MGAT4C: variants seen among roughly 807,000 people sequenced by gnomAD.
The protein encoded by MGAT4C is alpha-1,3-mannosyl-glycoprotein 4-beta-N-acetylglucosaminyltransferase C.
A neutral mutation model predicts 40.1 loss-of-function variants in MGAT4C; 19 were observed. The observed-to-expected ratio is 0.47, with a 90% confidence interval of 0.33 to 0.70. The LOEUF (loss-of-function observed/expected upper bound fraction) is 0.70. Among genes scored for constraint, MGAT4C ranks in the 30% least tolerant of loss-of-function variants. MGAT4C has a pLI of 0.02. For synonymous variants in MGAT4C, 181 were observed against 187.1 expected, an observed-to-expected ratio of 0.97 and a Z score of 0.27; for missense variants, 491 against 563.2, an observed-to-expected ratio of 0.87 and a Z score of 1.30.
intron 2 of MGAT4C, among the ~76,000 whole-genome samples, chr12:86,655,078 G>A (rs1963810132): frequency 6.6e-6 from 1 of 151,734 alleles, no homozygotes; most frequent in Non-Finnish European, 1.5e-5. Context: ...GGGTACATGT[G>A]CACAGCATGC....
At chr12:86,306,354 T>C (rs1199549595) in intron 4 of MGAT4C, among the ~76,000 whole-genome samples, 1 of 150,500 alleles carries the variant, frequency 6.6e-6, no homozygotes, top group Non-Finnish European at 1.5e-5. Context: ...AATAAAAAAC[T>C]GTTTAGCAAT....
At chr12:86,135,675 G>T (rs1406904552) in intron 1 of MGAT4C, among the ~76,000 whole-genome samples, 1 of 152,092 alleles carries the variant, frequency 6.6e-6, no homozygotes, top group Non-Finnish European at 1.5e-5. Flanking sequence ...TTTACATAGT[G>T]TCCTAAACTA....
At chr12:86,789,688 G>A (rs1257357984) in intron 1 of MGAT4C, among the ~76,000 whole-genome samples, 25 of 152,090 alleles carry the variant, frequency 1.6e-4, no homozygotes, top group Admixed American at 1.6e-3. Context: ...GATGACATGT[G>A]TTAAAGGATT....
chr12:86,145,945 A>C (rs193247589), intron 1 of MGAT4C, among the ~76,000 whole-genome samples: 13 of 152,290 alleles, frequency 8.5e-5, no homozygotes, highest in Admixed American at 3.9e-4. Flanking sequence ...AAAAGTATTT[A>C]TACAAAAAAA....
intron 2 of MGAT4C, among the ~76,000 whole-genome samples, chr12:86,494,175 A>G (rs1420179677): frequency 2.0e-5 from 3 of 151,990 alleles, no homozygotes; most frequent in Non-Finnish European, 2.9e-5. Context: ...ATTCTTTCAG[A>G]AAGCTTGCAA....
At position 85,963,367 on chromosome 12, in the gene MGAT4C, G is replaced by T. The variant is rs1425699499; in HGVS notation, c.*15922C>A. On this transcript the variant is annotated 3_prime_UTR_variant, in exon 5 of 5. Coordinates refer to ENST00000611864, the MANE Select transcript of MGAT4C (RefSeq NM_001351288.2). Reference sequence around the variant, plus strand: ...GTCAGTGTTTCTTAACCATTTTGGGGTCCTGAAACTTTTTGATAATGATGA... The same window carrying T: ...GTCAGTGTTTCTTAACCATTTTGGGTTCCTGAAACTTTTTGATAATGATGA... 6.6e-6 allele frequency: 1 copy of T among 151,730 alleles called. No individual in the cohort carries two copies. The highest frequency in any genetic ancestry group is 2.4e-5 in the African/African-American group (1 of 41,330). 9.4% of individuals were successfully genotyped at this position (151,730 alleles called of 1,614,324 possible). A position where few individuals can be genotyped will look rare whatever the true frequency, so the allele number is the denominator to read the frequency against.
chr12:86,136,642 A>T lies in MGAT4C; in HGVS notation c.-56-86919T>A, dbSNP rs143665585. On this transcript the variant is annotated intron_variant, in intron 1 of 4. Transcript: ENST00000611864. ...AGTTATTTCTTTTCCTACCCTGCAA[A>T]CATTTCCTACATTCTCTTATCCACT... Among the ~76,000 whole-genome samples the T allele has an allele frequency of 5.2e-3, 791 of 152,160 alleles. 4 individuals are homozygous for T. Among genetic ancestry groups the T allele is most frequent in the Middle Eastern group, 0.01 (3 of 294 alleles).
At chr12:86,430,859 T>C (rs913735807) in intron 3 of MGAT4C, among the ~76,000 whole-genome samples, 7 of 152,200 alleles carry the variant, frequency 4.6e-5, no homozygotes, top group African/African-American at 1.7e-4. Context: ...GGCTTATGTG[T>C]GGAGTGAAGA....
At chr12:86,826,635 A>G (rs1195288332) in intron 1 of MGAT4C, among the ~76,000 whole-genome samples, 1 of 151,392 alleles carries the variant, frequency 6.6e-6, no homozygotes. Flanking sequence ...TTATAATTTT[A>G]AAAATCCAAC....
At chr12:86,643,096 A>T (rs1350576795) in intron 2 of MGAT4C, among the ~76,000 whole-genome samples, 5 of 151,754 alleles carry the variant, frequency 3.3e-5, no homozygotes, top group Non-Finnish European at 4.4e-5. Flanking sequence ...AAATAAAATC[A>T]TCTCACGGTG....
chr12:86,771,684 ATATGTGTG>A lies in MGAT4C; in HGVS notation c.-261-44451_-261-44444del, dbSNP rs1333550192. 4.0e-3 allele frequency among the ~76,000 whole-genome samples: 521 copies of A among 131,226 alleles called. 1 individual carries two copies. Among genetic ancestry groups the A allele is most frequent in the African/African-American group, 0.016 (508 of 32,138 alleles). The allele number at this position is 131,226 out of a possible 152,430, so 86.1% of individuals were successfully genotyped here. On this transcript the variant is annotated intron_variant, in intron 1 of 7. Coordinates refer to the MGAT4C transcript ENST00000548651. Reference sequence around the variant, plus strand: ...TATGTAAAAAAAAGTACATAAATATATATGTGTGTGTGTGTGTGTGTGTGTGTGTGTGT... The same window carrying A: ...TATGTAAAAAAAAGTACATAAATATATGTGTGTGTGTGTGTGTGTGTGTGT...
chr12:86,020,098 C>T (rs560543615), intron 2 of MGAT4C, among the ~76,000 whole-genome samples: 16 of 152,186 alleles, frequency 1.1e-4, no homozygotes, highest in African/African-American at 3.1e-4. Context: ...TGGGCTGAGA[C>T]GATGGGGTTT....
intron 1 of MGAT4C, among the ~76,000 whole-genome samples, chr12:86,767,286 A>T (rs1951529614): frequency 1.3e-5 from 2 of 152,226 alleles, no homozygotes; most frequent in Admixed American, 6.5e-5. Flanking sequence ...AAATTCCTCG[A>T]CACATAAACC....
At chr12:86,219,394 T>C (rs1483949807) in intron 1 of MGAT4C, among the ~76,000 whole-genome samples, 1 of 152,146 alleles carries the variant, frequency 6.6e-6, no homozygotes, top group Non-Finnish European at 1.5e-5. Context: ...TCATAACCTA[T>C]GTCTGATTTG....
intron 1 of MGAT4C, among the ~76,000 whole-genome samples, chr12:86,183,948 C>T (rs926069203): frequency 6.6e-6 from 1 of 152,072 alleles, no homozygotes; most frequent in East Asian, 1.9e-4. Flanking sequence ...TATCAGTTAT[C>T]AAATCACTCC....
At chr12:86,007,247 A>G (rs1305736905) in intron 2 of MGAT4C, among the ~76,000 whole-genome samples, 1 of 152,158 alleles carries the variant, frequency 6.6e-6, no homozygotes, top group East Asian at 1.9e-4. Flanking sequence ...CACAATACCA[A>G]TAGTGAAGAA....
intron 4 of MGAT4C, among the ~76,000 whole-genome samples, chr12:86,281,238 T>G (rs1953211565): frequency 6.6e-6 from 1 of 152,110 alleles, no homozygotes; most frequent in South Asian, 2.1e-4. Flanking sequence ...GTTAAAAATT[T>G]AAGAAACTTA....
chr12:86,053,337 C>A (rs907519479), intron 1 of MGAT4C, among the ~76,000 whole-genome samples: 4 of 151,364 alleles, frequency 2.6e-5, no homozygotes, highest in African/African-American at 9.7e-5. Flanking sequence ...ATGTTCTGTC[C>A]CTTGGTTGGG....
chr12:86,687,011 C>T (rs985311873), intron 2 of MGAT4C, among the ~76,000 whole-genome samples: 1 of 152,166 alleles, frequency 6.6e-6, no homozygotes, highest in African/African-American at 2.4e-5. Flanking sequence ...ATTACTGCCT[C>T]AGTGTCAGAA....
Sources: gnomAD v4.1 joint callset for allele counts (sites outside exome capture counted in the v4.1 genomes callset) on GRCh38, gnomAD v4.1.1 for gene constraint, MANE v1.5 for transcripts, NCBI Gene and HGNC (gene_info 2026-07-23, HGNC 2026-07-21) for gene names.